RAD54L: variants seen among roughly 807,000 people sequenced by gnomAD.
The protein encoded by RAD54L is RAD54 like.
RAD54L carries 74 observed loss-of-function variants against 91.6 expected under a neutral mutation model. That is an observed-to-expected ratio of 0.81 (90% confidence interval 0.67 to 0.98). The LOEUF (loss-of-function observed/expected upper bound fraction) is 0.98. RAD54L is among the 50% of genes least tolerant of loss of function. The pLI, the probability that RAD54L is intolerant of heterozygous loss-of-function variation, is 0.00. For synonymous variants in RAD54L, 304 were observed against 349.7 expected (o/e 0.87, Z 1.46); for missense variants, 887 against 945.7 (o/e 0.94, Z 0.81).
chr1:46,272,650 C>T (rs1435643485), intron 11 of RAD54L, 22 bp from the exon 12 acceptor site: 2 of 1,614,164 alleles, frequency 1.2e-6, no homozygotes, highest in Admixed American at 3.3e-5. Flanking sequence ...GCTTTTTCCA[C>T]TGACCCAGCT....
chr1:46,269,310 CTTTTTTT>C (rs76085646), intron 9 of RAD54L, among the ~76,000 whole-genome samples: 1 of 140,274 alleles, frequency 7.1e-6, no homozygotes, highest in Admixed American at 7.2e-5. Context: ...CAACTATAGT[CTTTTTTT>C]TTTTTTTTTG....
intron 16 of RAD54L, 40 bp downstream of exon 16, chr1:46,274,757 G>A (rs1660546945): frequency 6.2e-7 from 1 of 1,611,552 alleles, no homozygotes; most frequent in Non-Finnish European, 8.5e-7. Flanking sequence ...GGTGGGTCAT[G>A]GAACGAGATC....
Position 46,270,681 on chromosome 1 carries a change from G to A in RAD54L, c.1065G>A (p.Lys355=), listed in dbSNP as rs1277733585. The change falls in exon 10 of 18, where the codon AAG becomes AAA. Residue 355 remains lysine, a synonymous_variant. Transcript: ENST00000371975. ...GILGTAHEFK[K]HFELPILKGR... ...TAGGGACTGCCCATGAATTCAAGAA[G>A]CATTTTGAATTGCCAATTTTGAAGG... The A allele has an allele frequency of 1.2e-6, 2 of 1,614,188 alleles. No homozygotes were observed. Among genetic ancestry groups the A allele is most frequent in the South Asian group, 2.2e-5 (2 of 91,088 alleles).
At chr1:46,273,291 A>G (rs551448412) in intron 12 of RAD54L, 64 bp from the exon 13 acceptor site, 3 of 1,333,194 alleles carry the variant, frequency 2.3e-6, no homozygotes, top group African/African-American at 1.4e-5. Context: ...AGGGAGTTCT[A>G]GTGAACACTG....
Position 46,259,993 on chromosome 1 carries a change from A to C in RAD54L, c.301A>C (p.Lys101Gln), listed in dbSNP as rs570916043. 1.9e-6 allele frequency: 3 copies of C among 1,614,090 alleles called. No homozygotes were observed. The highest frequency in any genetic ancestry group is 2.7e-5 in the African/African-American group (2 of 75,022). ...GPLGSRALGL[K>Q]RAGVRRALHD... ...TCTGGGCTCTCGAGCATTGGGCCTGAAAAGGGCTGGGGTCCGCCGGGCCCT... is the reference window on the plus strand; with the variant it reads ...TCTGGGCTCTCGAGCATTGGGCCTGCAAAGGGCTGGGGTCCGCCGGGCCCT... The change falls in exon 5 of 18, where the codon AAA becomes CAA. Residue 101 changes from lysine (K) to glutamine (Q), a missense_variant. By Grantham distance (53) the Lys-to-Gln change is moderately conservative. Coordinates refer to ENST00000371975, the MANE Select transcript of RAD54L (RefSeq NM_003579.4).
intron 8 of RAD54L, 25 bp from the exon 9 acceptor site, chr1:46,267,434 G>T: frequency 6.2e-7 from 1 of 1,613,300 alleles, no homozygotes; most frequent in Middle Eastern, 1.8e-4. Context: ...GCCACATTGC[G>T]CTCTGAATAA....
chr1:46,256,732 TTA>T (rs1243196538), intron 3 of RAD54L, among the ~76,000 whole-genome samples: 1 of 152,214 alleles, frequency 6.6e-6, no homozygotes, highest in African/African-American at 2.4e-5. Context: ...TGCCTTTATG[TTA>T]TGTTATTTAG....
intron 3 of RAD54L, among the ~76,000 whole-genome samples, chr1:46,250,544 A>G (rs949343430): frequency 3.0e-4 from 45 of 152,230 alleles, no homozygotes; most frequent in Non-Finnish European, 1.2e-4. Context: ...AGAAGGGTTA[A>G]GTAATTTGCT....
At chr1:46,249,942 C>A (rs2148275876) in intron 2 of RAD54L, 58 bp from the exon 3 acceptor site, 1 of 1,590,074 alleles carries the variant, frequency 6.3e-7, no homozygotes, top group South Asian at 1.1e-5. Context: ...GTGTTAGTTG[C>A]CATTATGGTG....
chr1:46,277,802 C>G lies in RAD54L; in HGVS notation c.1870-15C>G, dbSNP rs1660657239. 5.0e-6 allele frequency: 8 copies of G among 1,597,156 alleles called. No individual in the cohort carries two copies. Among genetic ancestry groups the G allele is most frequent in the Non-Finnish European group, 6.9e-6 (8 of 1,165,164 alleles). ...GCGCTGTATCTTTTGACATTCCCCA[C>G]CTCCTCTTCCCCAGGCAGGGACCAT... On this transcript the variant is annotated splice_polypyrimidine_tract_variant and intron_variant, in intron 16 of 17. Coordinates refer to ENST00000371975, the MANE Select transcript of RAD54L (RefSeq NM_003579.4).
intron 3 of RAD54L, among the ~76,000 whole-genome samples, chr1:46,250,651 T>C (rs28363196): frequency 1.3e-5 from 2 of 152,268 alleles, no homozygotes; most frequent in Non-Finnish European, 2.9e-5. Flanking sequence ...TAATGGAGAT[T>C]AGTCATTTGT....
intron 9 of RAD54L, among the ~76,000 whole-genome samples, chr1:46,270,151 C>T (rs571161206): frequency 6.1e-4 from 92 of 151,990 alleles, no homozygotes; most frequent in Middle Eastern, 3.4e-3. Flanking sequence ...GGGCAGATCG[C>T]GAGATCAGGA....
At chr1:46,258,059 A>G (rs1429776643) in intron 3 of RAD54L, among the ~76,000 whole-genome samples, 2 of 152,008 alleles carry the variant, frequency 1.3e-5, no homozygotes, top group Admixed American at 1.3e-4. Context: ...TATTTTTAAA[A>G]TAGAGATGGG....
intron 12 of RAD54L, 132 bp from the exon 13 acceptor site, chr1:46,273,223 T>C (rs1352012364): frequency 1.2e-6 from 1 of 817,892 alleles, no homozygotes; most frequent in Non-Finnish European, 2.2e-6. Flanking sequence ...TGGAATTTGG[T>C]AGGATGAAGA....
In RAD54L at chr1:46,248,181, A is replaced by G. The variant is rs1659699417; in HGVS notation, c.-225A>G. On this transcript the variant is annotated 5_prime_UTR_variant, in exon 1 of 18. Coordinates refer to ENST00000371975, the MANE Select transcript of RAD54L (RefSeq NM_003579.4). ...GCTTGGTCTCTTCCTCTTTGGCCTA[A>G]TCTCTCGTCTCGGCTTATTGGGGAC... 6.1e-6 allele frequency: 4 copies of G among 657,582 alleles called. No homozygotes were observed. The highest frequency in any genetic ancestry group is 1.1e-5 in the Non-Finnish European group (4 of 363,622). The allele number at this position is 657,582 out of a possible 1,614,324, so 40.7% of individuals were successfully genotyped here. A position where few individuals can be genotyped will look rare whatever the true frequency, so the allele number is the denominator to read the frequency against.
At chr1:46,275,016 G>C (rs1325262246) in intron 16 of RAD54L, among the ~76,000 whole-genome samples, 1 of 152,060 alleles carries the variant, frequency 6.6e-6, no homozygotes, top group Non-Finnish European at 1.5e-5. Context: ...CTCATCCCCT[G>C]TCCTATTTGC....
chr1:46,253,791 G>A (rs1037838963), intron 3 of RAD54L, among the ~76,000 whole-genome samples: 5 of 127,410 alleles, frequency 3.9e-5, no homozygotes, highest in Non-Finnish European at 7.8e-5. Context: ...CAGTGGTGCT[G>A]TCTTGGCTCA....
At position 46,258,743 on chromosome 1, in the gene RAD54L, C is replaced by T; in HGVS notation, c.268C>T (p.Gln90Ter). 2 of 1,595,982 alleles carry T rather than the reference C, an allele frequency of 1.3e-6. No homozygotes were observed. Among genetic ancestry groups the T allele is most frequent in the African/African-American group, 2.7e-5 (2 of 74,580 alleles). Residue 90 changes from glutamine to a stop codon, truncating the protein, a stop_gained, in exon 4 of 18, where the codon CAA (glutamine) becomes TAA (stop). Transcript: ENST00000371975. LOFTEE classifies it high-confidence loss of function. The stretch of plus-strand genomic sequence containing the variant: ...TTTCAAAGTCCCCATTCCAAATTAT[C>T]AAGGTAAAATGGAGGTTTTTCTGTT... ...KPFKVPIPNY[Q>*]GPLGSRALGL...
rs552649663 is a variant in RAD54L at position 46,256,256 on chromosome 1, G to A, written c.211-2430G>A. Among the ~76,000 whole-genome samples, 4 of 152,052 alleles carry A rather than the reference G, an allele frequency of 2.6e-5. No homozygotes were observed. In the East Asian group the frequency reaches 5.8e-4, roughly 22 times the overall value. On this transcript the variant is annotated intron_variant, in intron 3 of 17. Transcript: ENST00000371975. ...TGGGTAATTTTTAAATTTTGTGTACGGGGTGTGTGGGGGGGTCTCACTACG... is the reference window on the plus strand; with the variant it reads ...TGGGTAATTTTTAAATTTTGTGTACAGGGTGTGTGGGGGGGTCTCACTACG...
Sources: gnomAD v4.1 joint callset for allele counts (sites outside exome capture counted in the v4.1 genomes callset) on GRCh38, gnomAD v4.1.1 for gene constraint, MANE v1.5 for transcripts, NCBI Gene and HGNC (gene_info 2026-07-23, HGNC 2026-07-21) for gene names.